The following RGS6 variants were observed in gnomAD, a reference collection of about 807,000 sequenced individuals.
The protein encoded by RGS6 is regulator of G protein signaling 6.
RGS6 carries 30 observed loss-of-function variants against 78.5 expected under a neutral mutation model. The observed-to-expected ratio is 0.38, with a 90% CI of 0.29 to 0.52. The LOEUF (loss-of-function observed/expected upper bound fraction) is 0.52, where lower values mean the gene tolerates loss of function less well. RGS6 is among the 20% of genes least tolerant of loss of function. The probability of loss-of-function intolerance (pLI) is 0.85; values close to 1 mark genes in which losing one functional copy is unlikely to be tolerated. For synonymous variants in RGS6, 206 were observed against 206.0 expected (o/e 1.00, Z 0.00); for missense variants, 495 against 609.7 (o/e 0.81, Z 1.98).
At chr14:72,379,813 G>T (rs1340394198) in intron 3 of RGS6, among the ~76,000 whole-genome samples, 1 of 151,786 alleles carries the variant, frequency 6.6e-6, no homozygotes, top group Non-Finnish European at 1.5e-5. Flanking sequence ...GAAATAGAAA[G>T]AATCATAAAA....
intron 2 of RGS6, among the ~76,000 whole-genome samples, chr14:72,241,743 C>A (rs189602962): frequency 6.6e-6 from 1 of 152,252 alleles, no homozygotes; most frequent in Admixed American, 6.5e-5. Flanking sequence ...CTCTAATTAT[C>A]TATTTTAATG....
At chr14:72,321,992 A>C (rs1029282277) in intron 2 of RGS6, among the ~76,000 whole-genome samples, 1 of 152,040 alleles carries the variant, frequency 6.6e-6, no homozygotes, top group African/African-American at 2.4e-5. Flanking sequence ...AAAGGAATCC[A>C]TGTGAATGTA....
chr14:72,185,807 A>C (rs1169581586), intron 2 of RGS6, among the ~76,000 whole-genome samples: 1 of 152,168 alleles, frequency 6.6e-6, no homozygotes, highest in Non-Finnish European at 1.5e-5. Flanking sequence ...CAGGTGTGGT[A>C]GTGTGTACTT....
At chr14:71,955,823 C>A (rs1247296875) in intron 1 of RGS6, among the ~76,000 whole-genome samples, 2 of 110,804 alleles carry the variant, frequency 1.8e-5, no homozygotes, top group African/African-American at 3.6e-5. Flanking sequence ...CCCAGTAGGT[C>A]TCAGCCTCAT....
chr14:71,925,009 T>A, the RGS6 span, among the ~76,000 whole-genome samples: 367 of 152,342 alleles, frequency 2.4e-3, 3 homozygotes, highest in African/African-American at 8.2e-3. Flanking sequence ...ACGTTTTCCA[T>A]AATGGCTCTA....
At chr14:72,051,406 A>G (rs1227561843) in intron 2 of RGS6, among the ~76,000 whole-genome samples, 1 of 152,156 alleles carries the variant, frequency 6.6e-6, no homozygotes, top group African/African-American at 2.4e-5. Flanking sequence ...TTCTTTACGT[A>G]TGGAAAATTA....
the RGS6 span, among the ~76,000 whole-genome samples, chr14:71,904,587 T>C: frequency 2.6e-5 from 4 of 152,256 alleles, no homozygotes; most frequent in African/African-American, 9.6e-5. Flanking sequence ...CTGAGTTCCA[T>C]GGAGACCAGC....
chr14:71,994,403 C>G (rs1479630481), intron 2 of RGS6, among the ~76,000 whole-genome samples: 1 of 152,046 alleles, frequency 6.6e-6, no homozygotes, highest in Non-Finnish European at 1.5e-5. Context: ...GTAGGACTTG[C>G]AGGATTCCTC....
chr14:72,240,151 G>C (rs1043905405), intron 2 of RGS6, among the ~76,000 whole-genome samples: 2 of 152,100 alleles, frequency 1.3e-5, no homozygotes, highest in Non-Finnish European at 2.9e-5. Context: ...TCTAACGGTG[G>C]CATTTCCACC....
chr14:72,483,789 G>T (rs185012141), intron 12 of RGS6, among the ~76,000 whole-genome samples: 1 of 151,980 alleles, frequency 6.6e-6, no homozygotes, highest in Non-Finnish European at 1.5e-5. Context: ...TCTGTAGCAT[G>T]TGGAAAAGAA....
intron 2 of RGS6, among the ~76,000 whole-genome samples, chr14:71,974,076 GT>G (rs1357224022): frequency 6.6e-6 from 1 of 152,056 alleles, no homozygotes; most frequent in African/African-American, 2.4e-5. Flanking sequence ...ATTTCAAGGA[GT>G]CTAAGATTTT....
intron 2 of RGS6, among the ~76,000 whole-genome samples, chr14:72,083,844 A>C (rs1357694938): frequency 6.6e-6 from 1 of 152,152 alleles, no homozygotes. Flanking sequence ...CACGAATTAA[A>C]CATTGATTGC....
intron 2 of RGS6, among the ~76,000 whole-genome samples, chr14:72,166,821 T>C (rs2096934401): frequency 6.6e-6 from 1 of 152,242 alleles, no homozygotes; most frequent in South Asian, 2.1e-4. Flanking sequence ...TATTTTCTTC[T>C]CTGTCAAACG....
intron 2 of RGS6, among the ~76,000 whole-genome samples, chr14:72,254,500 C>G (rs997658853): frequency 1.3e-5 from 2 of 152,028 alleles, no homozygotes; most frequent in Non-Finnish European, 2.9e-5. Context: ...TTCCACAGTC[C>G]CTGTTCTTCT....
At chr14:72,208,868 C>T (rs1210279414) in intron 2 of RGS6, among the ~76,000 whole-genome samples, 1 of 152,132 alleles carries the variant, frequency 6.6e-6, no homozygotes, top group Non-Finnish European at 1.5e-5. Flanking sequence ...TCCCTTCCTG[C>T]TATCCCATGA....
intron 2 of RGS6, among the ~76,000 whole-genome samples, chr14:71,993,581 G>C (rs574462331): frequency 6.6e-6 from 1 of 152,246 alleles, no homozygotes; most frequent in South Asian, 2.1e-4. Context: ...GAGTTAAGTG[G>C]CTTGCTCTGG....
the RGS6 span, among the ~76,000 whole-genome samples, chr14:72,612,937 C>A: frequency 1.3e-5 from 2 of 152,044 alleles, no homozygotes; most frequent in Admixed American, 6.6e-5. Flanking sequence ...CAGCCCCTGG[C>A]TCTCCCTCTT....
chr14:72,222,744 T>C (rs2047169877), intron 2 of RGS6, among the ~76,000 whole-genome samples: 1 of 152,226 alleles, frequency 6.6e-6, no homozygotes, highest in African/African-American at 2.4e-5. Flanking sequence ...AGAGATGTTA[T>C]TAGTAATACT....
chr14:72,351,971 A>G (rs2079177610), intron 2 of RGS6, 124 bp from the exon 3 acceptor site: 1 of 683,388 alleles, frequency 1.5e-6, no homozygotes, highest in Non-Finnish European at 2.5e-6. Flanking sequence ...GACCAACTAG[A>G]TGGGAGCTTT....
Sources: allele counts gnomAD v4.1 joint callset (sites outside exome capture counted in the v4.1 genomes callset), GRCh38; gene constraint gnomAD v4.1.1; transcripts MANE v1.5; gene names NCBI Gene and HGNC (gene_info 2026-07-23, HGNC 2026-07-21).